Variants in DNAJC1 observed in about 807,000 individuals in gnomAD.
DNAJC1 encodes the protein DnaJ heat shock protein family (Hsp40) member C1, also known as dnaJ homolog subfamily C member 1.
Under a neutral mutation model 76.6 loss-of-function variants are expected in DNAJC1, and 58 were observed. The observed-to-expected ratio is 0.76, with a 90% confidence interval of 0.61 to 0.94. The LOEUF is 0.94. Among genes scored for constraint, DNAJC1 ranks in the 40% least tolerant of loss-of-function variants. The pLI is 0.00. For missense variants in DNAJC1, 689 were observed against 677.3 expected (o/e 1.02, Z -0.19); for synonymous variants, 258 against 267.9 (o/e 0.96, Z 0.36).
chr10:21,949,943 T>C (rs1837563606), intron 1 of DNAJC1, among the ~76,000 whole-genome samples: 1 of 152,148 alleles, frequency 6.6e-6, no homozygotes, highest in South Asian at 2.1e-4. Context: ...CTTAAATTAG[T>C]GTCCTGTACT....
intron 8 of DNAJC1, among the ~76,000 whole-genome samples, chr10:21,807,145 T>A (rs1834892620): frequency 1.3e-5 from 2 of 151,982 alleles, no homozygotes; most frequent in South Asian, 4.1e-4. Flanking sequence ...AATGAAAGAA[T>A]AAAGAAAAAG....
At chr10:21,889,305 TCATGAGA>T (rs1217572138) in intron 7 of DNAJC1, among the ~76,000 whole-genome samples, 15 of 152,164 alleles carry the variant, frequency 9.9e-5, no homozygotes, top group African/African-American at 3.1e-4. Context: ...GCTAAACCAT[TCATGAGA>T]CATTGCCCCC....
rs1590039436 is a variant in DNAJC1 at position 21,899,385 on chromosome 10, C to T, written c.820+5137G>A. 2.0e-5 allele frequency among the ~76,000 whole-genome samples: 3 copies of T among 152,172 alleles called. No individual in the cohort carries two copies. The East Asian group carries it at 5.8e-4, about 29-fold the overall frequency. On this transcript the variant is annotated intron_variant, in intron 7 of 11. Coordinates refer to ENST00000376980, the MANE Select transcript of DNAJC1 (RefSeq NM_022365.4). ...TCTATGGCACCTCACGAGTTAAGAC[C>T]CACTGGGGCTCGGAATTACAGCTGG...
chr10:21,778,798 A>G (rs1052925456), intron 9 of DNAJC1, among the ~76,000 whole-genome samples: 1 of 152,218 alleles, frequency 6.6e-6, no homozygotes, highest in African/African-American at 2.4e-5. Flanking sequence ...AGGGCGAGGC[A>G]TTGCCTCTCC....
chr10:21,875,598 G>A (rs1836174087), intron 8 of DNAJC1, among the ~76,000 whole-genome samples: 2 of 152,142 alleles, frequency 1.3e-5, no homozygotes, highest in Non-Finnish European at 2.9e-5. Context: ...ACACAAATAA[G>A]AGAAAAATGT....
chr10:21,905,198 C>T (rs1836722754), intron 6 of DNAJC1, among the ~76,000 whole-genome samples: 1 of 148,066 alleles, frequency 6.8e-6, no homozygotes, highest in Admixed American at 6.8e-5. Context: ...ACTTAGGTGT[C>T]AAGATACAGT....
chr10:21,875,745 C>T (rs1351234319), intron 8 of DNAJC1, among the ~76,000 whole-genome samples: 4 of 152,004 alleles, frequency 2.6e-5, no homozygotes, highest in Non-Finnish European at 5.9e-5. Flanking sequence ...GCCAACATGA[C>T]GAAACCCCAT....
At chr10:21,945,417 C>G (rs1316078960) in intron 1 of DNAJC1, among the ~76,000 whole-genome samples, 5 of 152,018 alleles carry the variant, frequency 3.3e-5, no homozygotes, top group African/African-American at 1.2e-4. Context: ...TACATAAATA[C>G]TGATGAGAAA....
At position 21,919,656 on chromosome 10, in the gene DNAJC1, A is replaced by G. The variant is rs78042387; in HGVS notation, c.635+176T>C. 5.3e-3 allele frequency among the ~76,000 whole-genome samples: 813 copies of G among 152,046 alleles called. 13 individuals are homozygous for G. In the East Asian group the frequency reaches 0.078, roughly 15 times the overall value. ...TATATGGGGGAAAAAACCTGAAGAC[A>G]TTTTGCTTAAGATTAGAACTTGTCT... On this transcript the variant is annotated intron_variant, in intron 5 of 11. Coordinates refer to ENST00000376980, the MANE Select transcript of DNAJC1 (RefSeq NM_022365.4).
At chr10:21,910,819 GAAAGA>G in intron 6 of DNAJC1, among the ~76,000 whole-genome samples, 1 of 110,132 alleles carries the variant, frequency 9.1e-6, no homozygotes, top group South Asian at 3.9e-4. Context: ...GAAAAGAAAG[GAAAGA>G]AAGGAAGGAG....
chr10:21,969,223 CAAAAAAAAA>C (rs561143181), intron 1 of DNAJC1, among the ~76,000 whole-genome samples: 6 of 87,068 alleles, frequency 6.9e-5, no homozygotes, highest in Admixed American at 3.6e-4. Flanking sequence ...GACTCCATTT[CAAAAAAAAA>C]AAAAAAAAAA....
At chr10:21,901,525 C>A (rs1166692617) in intron 7 of DNAJC1, among the ~76,000 whole-genome samples, 1 of 152,050 alleles carries the variant, frequency 6.6e-6, no homozygotes, top group African/African-American at 2.4e-5. Flanking sequence ...ATAAAAAGTG[C>A]CCCAAATTTC....
intron 11 of DNAJC1, among the ~76,000 whole-genome samples, chr10:21,757,246 C>T (rs1834187202): frequency 6.6e-6 from 1 of 152,162 alleles, no homozygotes; most frequent in African/African-American, 2.4e-5. Context: ...TCCTGCTCCT[C>T]CTGGCCCCAC....
chr10:21,824,671 C>G (rs932183314), intron 8 of DNAJC1, among the ~76,000 whole-genome samples: 4 of 152,140 alleles, frequency 2.6e-5, no homozygotes, highest in African/African-American at 9.7e-5. Flanking sequence ...CACTTCCTAC[C>G]CAGTTCACAA....
chr10:21,939,438 A>C (rs1031511739), intron 1 of DNAJC1, among the ~76,000 whole-genome samples: 15 of 152,246 alleles, frequency 9.9e-5, no homozygotes, highest in African/African-American at 3.6e-4. Context: ...CATTTTGGTC[A>C]ATGATGGACT....
intron 8 of DNAJC1, among the ~76,000 whole-genome samples, chr10:21,872,661 TA>T (rs1324838374): frequency 5.9e-5 from 9 of 152,150 alleles, no homozygotes. Context: ...GAAAAATGAA[TA>T]AATCTTCAGA....
intron 8 of DNAJC1, among the ~76,000 whole-genome samples, chr10:21,834,061 G>A (rs1028746550): frequency 2.6e-5 from 4 of 152,004 alleles, no homozygotes; most frequent in Non-Finnish European, 4.4e-5. Flanking sequence ...TCAGGAGATC[G>A]AGACCATCCT....
At chr10:21,840,742 GA>G (rs1564804783) in intron 8 of DNAJC1, among the ~76,000 whole-genome samples, 2 of 152,006 alleles carry the variant, frequency 1.3e-5, no homozygotes, top group South Asian at 2.1e-4. Context: ...CACAGAACTG[GA>G]AAAAAACTAC....
intron 1 of DNAJC1, among the ~76,000 whole-genome samples, chr10:21,995,286 T>C (rs1838398381): frequency 1.3e-5 from 2 of 152,190 alleles, no homozygotes; most frequent in South Asian, 2.1e-4. Context: ...CTATTCATAC[T>C]TTCCCAGTAA....
Sources: gnomAD v4.1 joint callset for allele counts (sites outside exome capture counted in the v4.1 genomes callset) on GRCh38, gnomAD v4.1.1 for gene constraint, MANE v1.5 for transcripts, NCBI Gene and HGNC (gene_info 2026-07-23, HGNC 2026-07-21) for gene names.